The following EIF3A variants were observed in gnomAD, a reference collection of about 807,000 sequenced individuals.
EIF3A encodes EIF3, p180 subunit.
A neutral mutation model predicts 186.6 loss-of-function variants in EIF3A; 21 were observed. The ratio of observed to expected loss-of-function variants is 0.11; its 90% CI spans 0.08 to 0.16. The LOEUF (loss-of-function observed/expected upper bound fraction) is 0.16, where lower values mean the gene tolerates loss of function less well. Among genes scored for constraint, EIF3A ranks in the 10% least tolerant of loss-of-function variants. The pLI is 1.00. For missense variants in EIF3A, 1,306 were observed against 1,796.3 expected (o/e 0.73, Z 4.93); for synonymous variants, 563 against 584.3 (o/e 0.96, Z 0.52).
intron 8 of EIF3A, 123 bp downstream of exon 8, chr10:119,061,101 G>T (rs532227449): frequency 1.7e-6 from 1 of 582,700 alleles, no homozygotes; most frequent in Non-Finnish European, 3.0e-6. Flanking sequence ...AAAAGACAAT[G>T]AAATGTGCAC....
chr10:119,059,142 TAA>T, intron 11 of EIF3A, 68 bp downstream of exon 11: 1 of 1,266,544 alleles, frequency 7.9e-7, no homozygotes, highest in Non-Finnish European at 1.1e-6. Context: ...AACCTTTTTG[TAA>T]AAGACATGGC....
chr10:119,053,012 G>C (rs778878695), intron 14 of EIF3A, among the ~76,000 whole-genome samples: 4 of 152,182 alleles, frequency 2.6e-5, no homozygotes, highest in Admixed American at 1.3e-4. Context: ...GTGTTAACAG[G>C]CATGAAAACA....
At chr10:119,069,328 C>T (rs886288167) in intron 6 of EIF3A, 118 bp downstream of exon 6, 2 of 642,850 alleles carry the variant, frequency 3.1e-6, no homozygotes, top group Non-Finnish European at 5.5e-6. Context: ...TAAGAATTAT[C>T]CAACCCAAAA....
intron 11 of EIF3A, 65 bp from the exon 12 acceptor site, chr10:119,058,368 G>T (rs765866724): frequency 1.7e-6 from 2 of 1,157,850 alleles, no homozygotes; most frequent in Non-Finnish European, 2.4e-6. Context: ...AGGCATCAAA[G>T]AAATTACAAA....
At chr10:119,066,324 C>T (rs1843977580) in intron 6 of EIF3A, among the ~76,000 whole-genome samples, 2 of 151,006 alleles carry the variant, frequency 1.3e-5, no homozygotes, top group African/African-American at 4.9e-5. Flanking sequence ...GCCTGGACAA[C>T]ATGGTGAAAC....
chr10:119,043,394 G>A (rs756422150), intron 18 of EIF3A, among the ~76,000 whole-genome samples: 10 of 152,002 alleles, frequency 6.6e-5, no homozygotes, highest in Non-Finnish European at 1.0e-4. Context: ...AGCCGAGAAC[G>A]CGCCACTGCA....
At chr10:119,067,962 C>A (rs954954122) in intron 6 of EIF3A, among the ~76,000 whole-genome samples, 4 of 152,130 alleles carry the variant, frequency 2.6e-5, no homozygotes, top group Non-Finnish European at 4.4e-5. Context: ...AGGCGTGCAC[C>A]ACCACACCCA....
At chr10:119,059,545 T>A in intron 10 of EIF3A, 57 bp downstream of exon 10, 1 of 1,413,288 alleles carries the variant, frequency 7.1e-7, no homozygotes, top group Non-Finnish European at 1.0e-6. Context: ...AAACAGAAGG[T>A]ATGTGTCTTT....
intron 1 of EIF3A, among the ~76,000 whole-genome samples, chr10:119,074,266 G>T (rs1844121545): frequency 6.6e-6 from 1 of 152,134 alleles, no homozygotes; most frequent in South Asian, 2.1e-4. Flanking sequence ...TAGAGCTGGA[G>T]ACCAGCCTGG....
Position 119,038,287 on chromosome 10 carries a change from T to C in EIF3A, c.3679A>G (p.Arg1227Gly), listed in dbSNP as rs62636533. The change falls in exon 20 of 22, where the codon AGG becomes GGG. Residue 1227 changes from arginine to glycine, a missense_variant. Arg to Gly is a moderately radical substitution (Grantham distance 125). Transcript: ENST00000369144. ...EENDKDPERERDRERDVDRED... is the reference protein window; with the variant it reads ...EENDKDPEREGDRERDVDRED... ...CGATCCACATCTCTCTCTCTGTCCC[T>C]TTCTCTCTCAGGGTCCTTGTCATTC... 4.3e-6 allele frequency: 7 copies of C among 1,613,990 alleles called. No individual in the cohort carries two copies. In the African/African-American group the frequency reaches 5.3e-5, roughly 12 times the overall value.
At chr10:119,075,861 C>T (rs1488463187) in intron 1 of EIF3A, among the ~76,000 whole-genome samples, 1 of 142,838 alleles carries the variant, frequency 7.0e-6, no homozygotes, top group Non-Finnish European at 1.5e-5. Context: ...CTACGGAGCT[C>T]GCCACCACGC....
Position 119,042,676 on chromosome 10 carries a change from G to A in EIF3A, c.2844C>T (p.Pro948=). Residue 948 remains proline (P), a synonymous_variant, in exon 19 of 22, where the codon CCC becomes CCT. Coordinates refer to ENST00000369144, the MANE Select transcript of EIF3A (RefSeq NM_003750.4). The surrounding 1 kb of genome is among the most constrained non-coding windows in gnomAD (Gnocchi z 7.8). ...CCCGATCATCGTCTGGTCTAAGAGA[G>A]GGCTCTCTATCTTCATCATCCCCCA... The part of the protein sequence containing the change: ...RRLGDDEDRE[P]SLRPDDDRVP... 1.2e-6 allele frequency: 2 copies of A among 1,614,096 alleles called. No homozygotes were observed. The highest frequency in any genetic ancestry group is 1.7e-6 in the Non-Finnish European group (2 of 1,180,036).
At chr10:119,075,651 C>CATATATATATAT (rs5788328) in intron 1 of EIF3A, among the ~76,000 whole-genome samples, 13 of 97,098 alleles carry the variant, frequency 1.3e-4, no homozygotes, top group African/African-American at 4.7e-4. Context: ...TATATATATA[C>CATATATATATAT]ATATATATAT....
chr10:119,047,909 T>A (rs957861436), intron 17 of EIF3A, among the ~76,000 whole-genome samples: 1 of 151,976 alleles, frequency 6.6e-6, no homozygotes, highest in Non-Finnish European at 1.5e-5. Context: ...ATGCAAGATA[T>A]CCTTGAGCTT....
At position 119,041,549 on chromosome 10, in the gene EIF3A, G is replaced by A. The variant is rs565529105; in HGVS notation, c.3526+445C>T. 1.1e-4 allele frequency among the ~76,000 whole-genome samples: 17 copies of A among 152,326 alleles called. No individual in the cohort carries two copies. The East Asian group carries it at 3.1e-3, about 28-fold the overall frequency. ...ACTGCACCACTGCATTCCAGCCTGT[G>A]CAACAGAGCAAGACCCTGTCTCAAA... On this transcript the variant is annotated intron_variant, in intron 19 of 21. Coordinates refer to ENST00000369144, the MANE Select transcript of EIF3A (RefSeq NM_003750.4).
At position 119,080,728 on chromosome 10, in the gene EIF3A, G is replaced by A; in HGVS notation, c.-52C>T. 2 of 1,553,176 alleles carry A rather than the reference G, an allele frequency of 1.3e-6. No individual in the cohort carries two copies. The highest frequency in any genetic ancestry group is 1.7e-6 in the Non-Finnish European group (2 of 1,150,318). Reference sequence around the variant, plus strand: ...CGTCAGCGAACTCTCTAGTGGCCCGGGCCGGGAGAGGAGACGAAGGGGAAC... The same window carrying A: ...CGTCAGCGAACTCTCTAGTGGCCCGAGCCGGGAGAGGAGACGAAGGGGAAC... On this transcript the variant is annotated 5_prime_UTR_variant, in exon 1 of 22. Transcript: ENST00000369144.
chr10:119,051,606 T>C (rs1848357594), intron 14 of EIF3A, among the ~76,000 whole-genome samples: 1 of 152,116 alleles, frequency 6.6e-6, no homozygotes, highest in Admixed American at 6.5e-5. Context: ...CGGACACACC[T>C]TGGAGGCACT....
chr10:119,055,580 A>C (rs567289930), intron 14 of EIF3A, among the ~76,000 whole-genome samples: 15 of 151,992 alleles, frequency 9.9e-5, no homozygotes, highest in Non-Finnish European at 1.8e-4. Flanking sequence ...AATAATAATA[A>C]TATGGGGGGC....
At chr10:119,055,217 T>A (rs953624753) in intron 14 of EIF3A, among the ~76,000 whole-genome samples, 1 of 152,004 alleles carries the variant, frequency 6.6e-6, no homozygotes, top group Non-Finnish European at 1.5e-5. Context: ...CTCAAATAAA[T>A]ATATACATAT....
Sources: allele counts gnomAD v4.1 joint callset (sites outside exome capture counted in the v4.1 genomes callset), GRCh38; gene constraint gnomAD v4.1.1; non-coding constraint Gnocchi (gnomAD v3.1); transcripts MANE v1.5; gene names NCBI Gene and HGNC (gene_info 2026-07-23, HGNC 2026-07-21).